The following HTR2C variants were observed in gnomAD, a reference collection of about 807,000 sequenced individuals.
The protein encoded by HTR2C is 5-hydroxytryptamine (serotonin) receptor 2C, G protein-coupled.
A neutral mutation model predicts 21.0 loss-of-function variants in HTR2C; 5 were observed. The ratio of observed to expected loss-of-function variants is 0.24; its 90% CI spans 0.12 to 0.50. The LOEUF (loss-of-function observed/expected upper bound fraction) is 0.50, where lower values mean the gene tolerates loss of function less well. Among genes scored for constraint, HTR2C ranks in the 20% least tolerant of loss-of-function variants. HTR2C has a pLI of 0.98. For missense variants in HTR2C, 271 were observed against 371.2 expected (o/e 0.73, Z 2.22); for synonymous variants, 150 against 145.3 (o/e 1.03, Z -0.23).
chrX:114,763,725 TTTC>T (rs2069906089), intron 4 of HTR2C, among the ~76,000 whole-genome samples: 1 of 110,256 alleles, frequency 9.1e-6, no homozygotes, highest in East Asian at 2.9e-4. Context: ...ATCTGGTCTT[TTTC>T]TTTTTAATGG....
intron 4 of HTR2C, among the ~76,000 whole-genome samples, chrX:114,828,130 T>C (rs1488122096): frequency 9.0e-6 from 1 of 111,519 alleles, no homozygotes; most frequent in Non-Finnish European, 1.9e-5. Flanking sequence ...TGTTCATTTA[T>C]TTTTAATTTT....
At chrX:114,830,767 A>T (rs782636628) in intron 4 of HTR2C, among the ~76,000 whole-genome samples, 85 of 102,236 alleles carry the variant, frequency 8.3e-4, no homozygotes, top group African/African-American at 2.8e-3. Flanking sequence ...ACATATGTAT[A>T]CATGTGCCAT....
intron 4 of HTR2C, among the ~76,000 whole-genome samples, chrX:114,739,293 A>G (rs143697537): frequency 0.03 from 3,302 of 111,750 alleles, 120 homozygotes; most frequent in African/African-American, 0.1. Context: ...ATATTAGTCA[A>G]TGCAGTTAGA....
chrX:114,715,194 A>G (rs781976331), intron 2 of HTR2C: 2 of 332,129 alleles, frequency 6.0e-6, no homozygotes, highest in Admixed American at 2.8e-5. Context: ...TCCCCTTTAT[A>G]TAGGATGTCT....
intron 2 of HTR2C, among the ~76,000 whole-genome samples, chrX:114,689,208 G>GTGTGTATATATA (rs1556414750): frequency 9.6e-5 from 7 of 72,736 alleles, no homozygotes; most frequent in African/African-American, 3.8e-4. Context: ...GTATGTATGC[G>GTGTGTATATATA]TATATATATA....
At chrX:114,653,209 A>G (rs1212369020) in intron 2 of HTR2C, among the ~76,000 whole-genome samples, 1 of 109,486 alleles carries the variant, frequency 9.1e-6, no homozygotes, top group Non-Finnish European at 1.9e-5. Flanking sequence ...TCTGCCCATC[A>G]TTTTATTCTT....
intron 5 of HTR2C, among the ~76,000 whole-genome samples, chrX:114,878,019 T>C (rs2071152550): frequency 9.0e-6 from 1 of 110,932 alleles, no homozygotes; most frequent in Non-Finnish European, 1.9e-5. Flanking sequence ...ATTGATTTTC[T>C]ATTGGTTGAT....
chrX:114,627,214 C>T (rs1036877526), intron 2 of HTR2C, among the ~76,000 whole-genome samples: 1 of 111,180 alleles, frequency 9.0e-6, no homozygotes, highest in Non-Finnish European at 1.9e-5. Flanking sequence ...TAAGTTTTCA[C>T]ATAATTTGCT....
intron 2 of HTR2C, among the ~76,000 whole-genome samples, chrX:114,628,405 A>ATTTTTTTTTTTTTTTTT (rs35975864): frequency 6.8e-5 from 3 of 43,888 alleles, no homozygotes; most frequent in African/African-American, 9.3e-5. Context: ...TGCCAGGCTA[A>ATTTTTTTTTTTTTTTTT]TTTTTTTTTT....
At chrX:114,829,048 A>G (rs1191126371) in intron 4 of HTR2C, among the ~76,000 whole-genome samples, 4 of 111,806 alleles carry the variant, frequency 3.6e-5, no homozygotes, top group Non-Finnish European at 5.6e-5. Flanking sequence ...CATGTCAAAT[A>G]CTTGCTTGAG....
chrX:114,745,780 G>GT lies in HTR2C; in HGVS notation c.349+14174dup, dbSNP rs782126250. Among the ~76,000 whole-genome samples the GT allele has an allele frequency of 8.1e-5, 9 of 111,124 alleles. No individual in the cohort carries two copies. In the South Asian group the frequency reaches 3.5e-3, roughly 43 times the overall value. Reference sequence around the variant, plus strand: ...ACAATTGAACCCATTGAGATAGAGAGTAGAAGGACGGTTACCAGAAGCTGG... The same window carrying GT: ...ACAATTGAACCCATTGAGATAGAGAGTTAGAAGGACGGTTACCAGAAGCTGG... On this transcript the variant is annotated intron_variant, in intron 4 of 5. Transcript: ENST00000276198.
At chrX:114,806,726 CAT>C (rs1214152811) in intron 4 of HTR2C, among the ~76,000 whole-genome samples, 118 of 82,947 alleles carry the variant, frequency 1.4e-3, no homozygotes, top group African/African-American at 4.9e-3. Flanking sequence ...ATATATACAC[CAT>C]ATATATACAC....
intron 1 of HTR2C, among the ~76,000 whole-genome samples, chrX:114,589,071 A>G (rs1243740402): frequency 8.9e-6 from 1 of 112,370 alleles, no homozygotes; most frequent in Non-Finnish European, 1.9e-5. Flanking sequence ...CGTGGTGTTA[A>G]ACAACAAACT....
intron 5 of HTR2C, among the ~76,000 whole-genome samples, chrX:114,879,900 G>A (rs782123092): frequency 6.3e-5 from 7 of 110,732 alleles, no homozygotes; most frequent in Non-Finnish European, 1.3e-4. Context: ...CTATAAACAA[G>A]CAATATCTTT....
intron 4 of HTR2C, among the ~76,000 whole-genome samples, chrX:114,788,399 T>A (rs2070199240): frequency 9.1e-6 from 1 of 110,209 alleles, no homozygotes; most frequent in Non-Finnish European, 1.9e-5. Context: ...TAGCTGGGAT[T>A]AGAGGTGTCC....
At chrX:114,735,330 T>C (rs1330495743) in intron 4 of HTR2C, among the ~76,000 whole-genome samples, 2 of 110,184 alleles carry the variant, frequency 1.8e-5, no homozygotes, top group African/African-American at 6.6e-5. Context: ...TAAAATAAAA[T>C]AGAATAAAAT....
chrX:114,603,855 A>C (rs370176028), intron 1 of HTR2C, among the ~76,000 whole-genome samples: 3 of 99,816 alleles, frequency 3.0e-5, no homozygotes, highest in African/African-American at 7.4e-5. Flanking sequence ...TTTGGCACCA[A>C]GGGGTGGATA....
intron 2 of HTR2C, among the ~76,000 whole-genome samples, chrX:114,628,868 A>G (rs1428196344): frequency 2.7e-5 from 3 of 112,206 alleles, no homozygotes; most frequent in Admixed American, 1.9e-4. Context: ...AAGGCTGTTG[A>G]TATCATACTT....
rs141093660 is a variant in HTR2C, at chrX:114,864,257, T to C, written c.550+16054T>C. ...ACCTTTATGAATTGATACTTTTCTG[T>C]AGTGCTAAGATTTGATTGCTTTTTC... On this transcript the variant is annotated intron_variant, in intron 5 of 5. Coordinates refer to ENST00000276198, the MANE Select transcript of HTR2C (RefSeq NM_000868.4). Among the ~76,000 whole-genome samples, 112 of 111,429 alleles carry C rather than the reference T, an allele frequency of 1.0e-3. 1 individual carries two copies. In the East Asian group the frequency reaches 0.015, roughly 15 times the overall value.
Sources: gnomAD v4.1 joint callset for allele counts (sites outside exome capture counted in the v4.1 genomes callset) on GRCh38, gnomAD v4.1.1 for gene constraint, MANE v1.5 for transcripts, NCBI Gene and HGNC (gene_info 2026-07-23, HGNC 2026-07-21) for gene names.